Variants in N4BP2 observed in about 807,000 individuals in gnomAD.
The protein encoded by N4BP2 is NEDD4 binding protein 2.
A neutral mutation model predicts 152.8 loss-of-function variants in N4BP2; 91 were observed. That is an observed-to-expected ratio of 0.60 (90% CI 0.50 to 0.71). The LOEUF (loss-of-function observed/expected upper bound fraction) is 0.71, where lower values mean the gene tolerates loss of function less well. Among genes scored for constraint, N4BP2 ranks in the 30% least tolerant of loss-of-function variants. The probability of loss-of-function intolerance (pLI) is 0.00; values close to 1 mark genes in which losing one functional copy is unlikely to be tolerated. For synonymous variants in N4BP2, 646 were observed against 705.3 expected, an observed-to-expected ratio of 0.92 and a Z score of 1.33; for missense variants, 1,923 against 2,059.1, an observed-to-expected ratio of 0.93 and a Z score of 1.28.
At chr4:40,122,970 C>T (rs1013329682) in intron 9 of N4BP2, among the ~76,000 whole-genome samples, 157 bp from the exon 10 acceptor site, 16 of 152,138 alleles carry the variant, frequency 1.1e-4, no homozygotes, top group African/African-American at 3.9e-4. Flanking sequence ...TAGCATATAA[C>T]ATAAATAGAA....
At chr4:40,142,965 GAATGTAGT>G in intron 15 of N4BP2, 104 bp downstream of exon 15, 1 of 889,880 alleles carries the variant, frequency 1.1e-6, no homozygotes, top group Non-Finnish European at 1.7e-6. Flanking sequence ...TTATTCTGGG[GAATGTAGT>G]AGTTATGTAA....
At chr4:40,146,878 T>C (rs1351895957) in intron 16 of N4BP2, among the ~76,000 whole-genome samples, 1 of 150,800 alleles carries the variant, frequency 6.6e-6, no homozygotes, top group African/African-American at 2.4e-5. Flanking sequence ...GCTTTTTTTT[T>C]TTTTTTTTTT....
intron 16 of N4BP2, among the ~76,000 whole-genome samples, chr4:40,149,481 A>C (rs1720934645): frequency 6.6e-6 from 1 of 152,038 alleles, no homozygotes. Context: ...AAATGATGGA[A>C]TGTTCTGGAA....
the N4BP2 span, among the ~76,000 whole-genome samples, chr4:40,182,377 G>A: frequency 6.6e-6 from 1 of 152,156 alleles, no homozygotes; most frequent in African/African-American, 2.4e-5. Flanking sequence ...TAGGCAGTAG[G>A]GAGCCAAATA....
intron 2 of N4BP2, among the ~76,000 whole-genome samples, chr4:40,093,587 ATTATTTAT>A (rs148109069): frequency 1.7e-3 from 259 of 150,476 alleles, no homozygotes; most frequent in African/African-American, 5.9e-3. Flanking sequence ...TTGTATTTGT[ATTATTTAT>A]TTATTTATTA....
At chr4:40,166,260 G>C in the N4BP2 span, among the ~76,000 whole-genome samples, 8 of 152,306 alleles carry the variant, frequency 5.3e-5, 1 homozygote, top group East Asian at 1.5e-3. Context: ...GAAGGATTCT[G>C]TAAGAAACTG....
At chr4:40,075,210 A>C (rs1712608648) in intron 2 of N4BP2, among the ~76,000 whole-genome samples, 1 of 152,178 alleles carries the variant, frequency 6.6e-6, no homozygotes, top group East Asian at 1.9e-4. Context: ...GAAATTAATA[A>C]GTCAGTAATA....
chr4:40,097,216 T>G lies in N4BP2; in HGVS notation c.-114-11T>G, dbSNP rs543343941. 1.2e-5 allele frequency: 9 copies of G among 723,558 alleles called. No homozygotes were observed. The South Asian group carries it at 1.6e-4, about 13-fold the overall frequency. 44.8% of individuals were successfully genotyped at this position (723,558 alleles called of 1,614,324 possible). On this transcript the variant is annotated splice_polypyrimidine_tract_variant and intron_variant, in intron 2 of 17. Coordinates refer to ENST00000261435, the MANE Select transcript of N4BP2 (RefSeq NM_018177.6). ...TATAGTCTGAGTGTTTTTAATTGCT[T>G]TCTATTTTAGGTCTTTTTACTGCTG... is the stretch of plus-strand genomic sequence containing the variant.
chr4:40,163,824 A>C, the N4BP2 span, among the ~76,000 whole-genome samples: 1 of 152,240 alleles, frequency 6.6e-6, no homozygotes, highest in South Asian at 2.1e-4. Context: ...ACCTGGAAGC[A>C]TCCTAATGAT....
At chr4:40,139,903 G>T (rs1187496666) in intron 14 of N4BP2, among the ~76,000 whole-genome samples, 1 of 147,750 alleles carries the variant, frequency 6.8e-6, no homozygotes, top group Non-Finnish European at 1.5e-5. Flanking sequence ...CAGCTCAAGC[G>T]ATCCTCCCAT....
At chr4:40,098,003 T>G (rs1382837756) in intron 3 of N4BP2, among the ~76,000 whole-genome samples, 1 of 152,182 alleles carries the variant, frequency 6.6e-6, no homozygotes, top group African/African-American at 2.4e-5. Context: ...TGTATTGTCA[T>G]TTGTCCCCTG....
At chr4:40,118,435 AAAATAAAT>A (rs148716615) in intron 8 of N4BP2, among the ~76,000 whole-genome samples, 1 of 152,042 alleles carries the variant, frequency 6.6e-6, no homozygotes, top group Non-Finnish European at 1.5e-5. Flanking sequence ...TCCATTTCAA[AAAATAAAT>A]AAATAAATAA....
intron 5 of N4BP2, among the ~76,000 whole-genome samples, chr4:40,108,113 C>T (rs182626928): frequency 2.2e-4 from 33 of 148,320 alleles, no homozygotes; most frequent in East Asian, 2.1e-4. Context: ...TTTTTAGTAG[C>T]GACGGGGTTT....
chr4:40,159,075 A>C (rs1021081936), downstream of N4BP2, among the ~76,000 whole-genome samples: 1 of 152,244 alleles, frequency 6.6e-6, no homozygotes, highest in Non-Finnish European at 1.5e-5. Context: ...TGCTATCCCA[A>C]TTTAATGAAT....
intron 13 of N4BP2, among the ~76,000 whole-genome samples, chr4:40,132,248 C>G (rs1370389090): frequency 6.6e-6 from 1 of 152,126 alleles, no homozygotes; most frequent in African/African-American, 2.4e-5. Context: ...GTCTCTCTCT[C>G]TGTGTCTCAA....
chr4:40,121,926 C>G lies in N4BP2; in HGVS notation c.3815C>G (p.Thr1272Arg), dbSNP rs1384032115. The part of the protein sequence containing the change: ...MSETEKNLVV[T>R]ETGDNIHSPS... ...GAAACAGAAAAAAACCTAGTAGTCACAGAGACTGGAGACAACATACATTCT... is the reference window on the plus strand; with the variant it reads ...GAAACAGAAAAAAACCTAGTAGTCAGAGAGACTGGAGACAACATACATTCT... The change falls in exon 9 of 18, where the codon ACA becomes AGA. Residue 1272 changes from threonine (T) to arginine (R), a missense_variant. By Grantham distance (71) the Thr-to-Arg change is moderately conservative (BLOSUM62 -1). Coordinates refer to ENST00000261435, the MANE Select transcript of N4BP2 (RefSeq NM_018177.6). 1 of 1,590,008 alleles carries G rather than the reference C, an allele frequency of 6.3e-7. No homozygotes were observed. The highest frequency in any genetic ancestry group is 1.1e-5 in the South Asian group (1 of 87,584).
rs1721266879 is a variant in N4BP2 at position 40,152,860 on chromosome 4, A to G, written c.5224A>G (p.Ile1742Val). 1.2e-6 allele frequency: 2 copies of G among 1,613,948 alleles called. No individual in the cohort carries two copies. The highest frequency in any genetic ancestry group is 2.7e-5 in the African/African-American group (2 of 74,918). The change falls in exon 17 of 18, where the codon ATC (isoleucine) becomes GTC (valine). Residue 1742 changes from isoleucine (I) to valine (V), a missense_variant. Transcript: ENST00000261435. Reference sequence around the variant, plus strand: ...CCACAGCCAGGGAGGAGTTGCTCGCATCAAACCAGCTGTCATTAAGTACCT... The same window carrying G: ...CCACAGCCAGGGAGGAGTTGCTCGCGTCAAACCAGCTGTCATTAAGTACCT... ...GNHSQGGVAR[I>V]KPAVIKYLIS...
intron 2 of N4BP2, among the ~76,000 whole-genome samples, chr4:40,081,514 C>T (rs941479060): frequency 5.9e-5 from 9 of 151,874 alleles, no homozygotes; most frequent in African/African-American, 7.3e-5. Flanking sequence ...GGTGTGGTGC[C>T]GCATGCCTGT....
Position 40,154,772 on chromosome 4 carries a change from G to C in N4BP2, c.*535G>C, listed in dbSNP as rs1273910062. On this transcript the variant is annotated 3_prime_UTR_variant, in exon 18 of 18. Transcript: ENST00000261435. ...TTTATTTTGCCATATCCTACAGGAAGGAAGACATGCTTTTGCCCTTTCTTC... is the reference window on the plus strand; with the variant it reads ...TTTATTTTGCCATATCCTACAGGAACGAAGACATGCTTTTGCCCTTTCTTC... 1 of 152,768 alleles carries C rather than the reference G, an allele frequency of 6.5e-6. No homozygotes were observed. The highest frequency in any genetic ancestry group is 1.9e-4 in the East Asian group (1 of 5,236). 9.5% of individuals were successfully genotyped at this position (152,768 alleles called of 1,614,324 possible). A position where few individuals can be genotyped will look rare whatever the true frequency, so the allele number is the denominator to read the frequency against.
Sources: allele counts gnomAD v4.1 joint callset (sites outside exome capture counted in the v4.1 genomes callset), GRCh38; gene constraint gnomAD v4.1.1; transcripts MANE v1.5; gene names NCBI Gene and HGNC (gene_info 2026-07-23, HGNC 2026-07-21).